Variants in MINAR1 observed in about 807,000 individuals in gnomAD.
MINAR1 encodes major intrinsically disordered Notch2-binding receptor 1.
A neutral mutation model predicts 65.1 loss-of-function variants in MINAR1; 40 were observed. That is an observed-to-expected ratio of 0.61 (90% CI 0.48 to 0.80). MINAR1 has a LOEUF of 0.80. Ranked by LOEUF, MINAR1 falls within the 30% of genes least tolerant of loss-of-function variation. MINAR1 has a pLI of 0.00. For synonymous variants in MINAR1, 482 were observed against 449.1 expected (o/e 1.07, Z -0.93); for missense variants, 1,128 against 1,148.0 (o/e 0.98, Z 0.25).
Position 79,434,478 on chromosome 15 carries a change from G to A in MINAR1, c.-51+1938G>A, listed in dbSNP as rs370490863. ...TTTTCTCACTCAGGATTCCCAAAATGAGCCCTTTCTCAAATCTTGACAAAC... is the reference window on the plus strand; with the variant it reads ...TTTTCTCACTCAGGATTCCCAAAATAAGCCCTTTCTCAAATCTTGACAAAC... On this transcript the variant is annotated intron_variant, in intron 1 of 3. Coordinates refer to ENST00000305428, the MANE Select transcript of MINAR1 (RefSeq NM_015206.3). 1.1e-4 allele frequency among the ~76,000 whole-genome samples: 16 copies of A among 152,286 alleles called. No individual in the cohort carries two copies. The East Asian group carries it at 2.9e-3, about 28-fold the overall frequency.
At chr15:79,464,972 G>A (rs1408170044) in intron 3 of MINAR1, among the ~76,000 whole-genome samples, 2 of 152,236 alleles carry the variant, frequency 1.3e-5, no homozygotes, top group Non-Finnish European at 2.9e-5. Flanking sequence ...GTGAGCCATA[G>A]GCTGAGAAAC....
At chr15:79,463,437 T>TG in intron 3 of MINAR1, 116 bp downstream of exon 3, 1 of 1,205,762 alleles carries the variant, frequency 8.3e-7, no homozygotes, top group Non-Finnish European at 1.2e-6. Context: ...TTCAACTCCC[T>TG]GGGCCCCCAA....
the MINAR1 span, chr15:79,417,146 C>T: frequency 6.6e-6 from 1 of 152,242 alleles, no homozygotes; most frequent in Non-Finnish European, 1.5e-5. Flanking sequence ...TGGCAGGAGG[C>T]TGCTTTCATC....
Position 79,468,371 on chromosome 15 carries a change from C to T in MINAR1, c.2738C>T (p.Thr913Ile), listed in dbSNP as rs1895952114. 2 of 1,613,744 alleles carry T rather than the reference C, an allele frequency of 1.2e-6. No homozygotes were observed. Among genetic ancestry groups the T allele is most frequent in the African/African-American group, 1.3e-5 (1 of 74,928 alleles). ...CTCGTTATTGTCGTGCCCATCTGCA[C>T]AATGAAATCATGAGCTAAGAATGCA... is the stretch of plus-strand genomic sequence containing the variant. ...VILVIVVPICTMKS is the reference protein window; with the variant it reads ...VILVIVVPICIMKS Residue 913 changes from threonine to isoleucine, a missense_variant, in exon 4 of 4, where the codon ACA (threonine) becomes ATA (isoleucine). Coordinates refer to ENST00000305428, the MANE Select transcript of MINAR1 (RefSeq NM_015206.3).
In MINAR1 at chr15:79,468,595, G is replaced by A. The variant is rs979231413; in HGVS notation, c.*211G>A. On this transcript the variant is annotated 3_prime_UTR_variant, in exon 4 of 4. Coordinates refer to ENST00000305428, the MANE Select transcript of MINAR1 (RefSeq NM_015206.3). ...AGCTTTGACTCAATTACACTCTGAC[G>A]CATTTTTAGAAGTGCAATATCTTTT... 8 of 555,574 alleles carry A rather than the reference G, an allele frequency of 1.4e-5. No individual in the cohort carries two copies. The highest frequency in any genetic ancestry group is 1.9e-5 in the Non-Finnish European group (6 of 314,640). 34.4% of individuals were successfully genotyped at this position (555,574 alleles called of 1,614,324 possible).
intron 1 of MINAR1, among the ~76,000 whole-genome samples, chr15:79,439,994 A>T (rs1052556424): frequency 1.3e-5 from 2 of 152,138 alleles, no homozygotes; most frequent in Admixed American, 6.5e-5. Flanking sequence ...TCTTTTCTGC[A>T]CTTCAGGGGA....
chr15:79,462,144 C>A (rs1895668493), intron 2 of MINAR1, among the ~76,000 whole-genome samples: 2 of 152,230 alleles, frequency 1.3e-5, no homozygotes, highest in African/African-American at 4.8e-5. Flanking sequence ...GGAGTGTCTT[C>A]TACTTGGTGG....
chr15:79,425,438 C>A, the MINAR1 span: 2 of 152,156 alleles, frequency 1.3e-5, no homozygotes, highest in African/African-American at 4.8e-5. Flanking sequence ...TATTGATTTC[C>A]CCACTTACCC....
chr15:79,452,372 A>G (rs931726007), intron 1 of MINAR1, among the ~76,000 whole-genome samples: 2 of 150,140 alleles, frequency 1.3e-5, no homozygotes, highest in African/African-American at 4.9e-5. Context: ...GGGTATATGT[A>G]TGTCCCTGAG....
intron 1 of MINAR1, among the ~76,000 whole-genome samples, chr15:79,452,892 GGT>G (rs1236892329): frequency 1.3e-5 from 2 of 148,898 alleles, no homozygotes; most frequent in African/African-American, 2.5e-5. Context: ...AGTGTGTGTA[GGT>G]GTGTCTGGGT....
At chr15:79,452,317 T>C (rs1340379815) in intron 1 of MINAR1, among the ~76,000 whole-genome samples, 10 of 151,948 alleles carry the variant, frequency 6.6e-5, no homozygotes, top group Non-Finnish European at 1.5e-4. Flanking sequence ...AGTGTCTGGA[T>C]GTGTGTGTCT....
intron 2 of MINAR1, among the ~76,000 whole-genome samples, chr15:79,460,254 C>T (rs1194055138): frequency 6.6e-6 from 1 of 152,188 alleles, no homozygotes; most frequent in African/African-American, 2.4e-5. Flanking sequence ...AGACCCGGCC[C>T]ACCTTTGGAG....
chr15:79,450,077 T>C (rs148450702), intron 1 of MINAR1, among the ~76,000 whole-genome samples: 1 of 152,346 alleles, frequency 6.6e-6, no homozygotes, highest in East Asian at 1.9e-4. Flanking sequence ...GAACTGGCAT[T>C]CTTGCAGACA....
In MINAR1 at chr15:79,463,146, T is replaced by TTG. The variant is rs767734743; in HGVS notation, c.2378_2379insTG (p.Ser794AlafsTer14). The TTG allele has an allele frequency of 6.2e-7, 1 of 1,614,168 alleles. No homozygotes were observed. Among genetic ancestry groups the TTG allele is most frequent in the Admixed American group, 1.7e-5 (1 of 60,012 alleles). On this transcript the variant is annotated frameshift_variant, in exon 3 of 4. Coordinates refer to ENST00000305428, the MANE Select transcript of MINAR1 (RefSeq NM_015206.3). LOFTEE classifies it high-confidence loss of function. ...GATGGCTTCCTGGTGGAGCAGGTGTTCAGCCCTCACCCCTACCCTGCCTCC... is the reference window on the plus strand; with the variant it reads ...GATGGCTTCCTGGTGGAGCAGGTGTTTGCAGCCCTCACCCCTACCCTGCCTCC...
chr15:79,449,001 T>G (rs975485800), intron 1 of MINAR1, among the ~76,000 whole-genome samples: 9 of 152,172 alleles, frequency 5.9e-5, no homozygotes, highest in Non-Finnish European at 1.0e-4. Flanking sequence ...AGCAACAACA[T>G]TTATCATGCC....
At chr15:79,428,360 TTTC>T (rs1023530133), upstream of MINAR1, among the ~76,000 whole-genome samples, 1 of 110,508 alleles carries the variant, frequency 9.0e-6, no homozygotes, top group African/African-American at 3.6e-5. Flanking sequence ...CTTGCCTCCT[TTTC>T]TTCTTTCTTC....
chr15:79,462,961 C>T (rs1895700271), intron 2 of MINAR1, 106 bp from the exon 3 acceptor site: 1 of 1,294,592 alleles, frequency 7.7e-7, no homozygotes, highest in East Asian at 2.4e-5. Context: ...AGTAACTGCA[C>T]TTTGCTACCT....
Position 79,470,883 on chromosome 15 carries a change from C to T in MINAR1, c.*2499C>T, listed in dbSNP as rs142158678. ...CAAGTCTGACGCTGAGGTTATGAAT[C>T]ATTACCATGGCTTGGAGCTATTGGA... is the stretch of plus-strand genomic sequence containing the variant. On this transcript the variant is annotated 3_prime_UTR_variant, in exon 4 of 4. Coordinates refer to ENST00000305428, the MANE Select transcript of MINAR1 (RefSeq NM_015206.3). 6.6e-6 allele frequency: 1 copy of T among 152,252 alleles called. No homozygotes were observed. Among genetic ancestry groups the T allele is most frequent in the East Asian group, 1.9e-4 (1 of 5,186 alleles). The allele number at this position is 152,252 out of a possible 1,614,324, so 9.4% of individuals were successfully genotyped here. A position where few individuals can be genotyped will look rare whatever the true frequency, so the allele number is the denominator to read the frequency against.
intron 1 of MINAR1, among the ~76,000 whole-genome samples, chr15:79,451,047 G>C (rs1036925899): frequency 6.6e-6 from 1 of 152,198 alleles, no homozygotes; most frequent in African/African-American, 2.4e-5. Context: ...CAGGACTGGA[G>C]TCTGAGCCCA....
Sources: allele counts gnomAD v4.1 joint callset (sites outside exome capture counted in the v4.1 genomes callset), GRCh38; gene constraint gnomAD v4.1.1; transcripts MANE v1.5; gene names NCBI Gene and HGNC (gene_info 2026-07-23, HGNC 2026-07-21).